The following RLIG1 variants were observed in gnomAD, a reference collection of about 807,000 sequenced individuals.
RLIG1 encodes RNA ligase 1.
the RLIG1 span, among the ~76,000 whole-genome samples, chr12:88,039,727 G>A: frequency 6.6e-6 from 1 of 152,012 alleles, no homozygotes; most frequent in Non-Finnish European, 1.5e-5. Context: ...TATGCATTGT[G>A]CTTCTTTTGT....
chr12:88,040,113 ATCTTAAACCGGT>A, the RLIG1 span: 2 of 1,194,342 alleles, frequency 1.7e-6, no homozygotes, highest in Non-Finnish European at 2.5e-6. Context: ...GAGGCTATCT[ATCTTAAACCGGT>A]TTTCTCTCTC....
the RLIG1 span, among the ~76,000 whole-genome samples, chr12:88,046,066 GTGA>G: frequency 2.0e-5 from 3 of 152,052 alleles, no homozygotes; most frequent in African/African-American, 7.2e-5. Flanking sequence ...AAAAATTCAG[GTGA>G]GTTGAGTCGA....
the RLIG1 span, chr12:88,044,094 A>G: frequency 5.0e-6 from 1 of 201,908 alleles, no homozygotes; most frequent in Non-Finnish European, 9.9e-6. Flanking sequence ...GCAACATGGC[A>G]AAACCCTGTC....
chr12:88,046,870 A>T, the RLIG1 span: 1 of 1,613,168 alleles, frequency 6.2e-7, no homozygotes, highest in Non-Finnish European at 8.5e-7. Flanking sequence ...CAAATAAGAA[A>T]TCTACCTTCA....
chr12:88,035,548 T>A, the RLIG1 span: 8 of 1,245,496 alleles, frequency 6.4e-6, no homozygotes, highest in African/African-American at 1.0e-4. Flanking sequence ...GGAGTGTGCG[T>A]GGCCTGAGCC....
the RLIG1 span, chr12:88,040,338 G>A: frequency 8.0e-6 from 7 of 878,972 alleles, no homozygotes; most frequent in East Asian, 1.4e-4. Context: ...TATCTGAAAT[G>A]AGGCATTTGC....
chr12:88,042,725 A>G, the RLIG1 span: 1 of 666,284 alleles, frequency 1.5e-6, no homozygotes, highest in Non-Finnish European at 2.3e-6. Context: ...GTCTTCTTTG[A>G]GAAATTAGCC....
At chr12:88,036,042 G>T in the RLIG1 span, 1 of 1,438,286 alleles carries the variant, frequency 7.0e-7, no homozygotes, top group South Asian at 1.2e-5. Flanking sequence ...TCCTTTTCAG[G>T]TCAGCACCTT....
At chr12:88,049,398 A>T in the RLIG1 span, 1 of 1,486,376 alleles carries the variant, frequency 6.7e-7, no homozygotes, top group Non-Finnish European at 9.2e-7. Flanking sequence ...TTCTTTTTTC[A>T]GCTTCTTTAT....
At chr12:88,046,038 T>C in the RLIG1 span, among the ~76,000 whole-genome samples, 1 of 152,188 alleles carries the variant, frequency 6.6e-6, no homozygotes, top group Non-Finnish European at 1.5e-5. Flanking sequence ...ATGACTCAGT[T>C]GTAACCCCCT....
At chr12:88,045,560 A>T in the RLIG1 span, 3 of 1,561,486 alleles carry the variant, frequency 1.9e-6, no homozygotes, top group African/African-American at 4.1e-5. Flanking sequence ...AATAACAAAT[A>T]ATTTTCTTCT....
the RLIG1 span, chr12:88,049,353 A>G: frequency 1.3e-6 from 2 of 1,572,880 alleles, no homozygotes; most frequent in South Asian, 1.2e-5. Context: ...AAGATCTTCA[A>G]TTTCTTCAAA....
the RLIG1 span, among the ~76,000 whole-genome samples, chr12:88,036,442 T>C: frequency 6.6e-6 from 1 of 152,242 alleles, no homozygotes; most frequent in Non-Finnish European, 1.5e-5. Flanking sequence ...AACCAACATG[T>C]CCATTGGAAA....
chr12:88,038,262 G>A, the RLIG1 span, among the ~76,000 whole-genome samples: 3 of 152,092 alleles, frequency 2.0e-5, no homozygotes, highest in East Asian at 1.9e-4. Flanking sequence ...ATGAGGTCTC[G>A]TCTAAGAGGT....
chr12:88,048,177 T>C, the RLIG1 span: 1 of 1,331,678 alleles, frequency 7.5e-7, no homozygotes, highest in Non-Finnish European at 9.9e-7. Flanking sequence ...CAAATATTTC[T>C]AAGTGAATGA....
chr12:88,037,159 C>T, the RLIG1 span, among the ~76,000 whole-genome samples: 33 of 152,236 alleles, frequency 2.2e-4, no homozygotes, highest in Middle Eastern at 3.4e-3. Flanking sequence ...AACCACAATC[C>T]TGTCTCATAT....
the RLIG1 span, chr12:88,042,870 A>G: frequency 6.4e-7 from 1 of 1,570,888 alleles, no homozygotes; most frequent in South Asian, 1.2e-5. Context: ...CCCAACAAAC[A>G]AGCTGAAAAA....
the RLIG1 span, chr12:88,047,118 C>G: frequency 2.4e-6 from 2 of 818,518 alleles, no homozygotes; most frequent in Non-Finnish European, 3.8e-6. Context: ...CCATGTACCA[C>G]CATTTTTTAA....
chr12:88,046,442 T>C, the RLIG1 span, among the ~76,000 whole-genome samples: 4 of 152,170 alleles, frequency 2.6e-5, no homozygotes, highest in African/African-American at 9.7e-5. Flanking sequence ...GTAGACTTTT[T>C]CTGCCAAATG....
Sources: gnomAD v4.1 joint callset for allele counts (sites outside exome capture counted in the v4.1 genomes callset) on GRCh38, gnomAD v4.1.1 for gene constraint, MANE v1.5 for transcripts, NCBI Gene and HGNC (gene_info 2026-07-23, HGNC 2026-07-21) for gene names.